COL19A1: variants seen among roughly 807,000 people sequenced by gnomAD.
The protein encoded by COL19A1 is collagen alpha-1(XIX) chain.
In COL19A1, 159 loss-of-function variants were observed where a neutral mutation model predicts 190.2. The observed-to-expected ratio is 0.84, with a 90% CI of 0.73 to 0.95. COL19A1 has a LOEUF of 0.95. Among genes scored for constraint, COL19A1 ranks in the 40% least tolerant of loss-of-function variants. COL19A1 has a pLI of 0.00. For missense variants in COL19A1, 1,418 were observed against 1,431.9 expected, an observed-to-expected ratio of 0.99 and a Z score of 0.16; for synonymous variants, 509 against 458.9, an observed-to-expected ratio of 1.11 and a Z score of -1.39.
intron 4 of COL19A1, among the ~76,000 whole-genome samples, chr6:69,903,008 A>G (rs564305852): frequency 9.1e-4 from 139 of 152,278 alleles, no homozygotes; most frequent in African/African-American, 3.2e-3. Context: ...ATCTGGCCAC[A>G]TGGCCTGGCC....
At chr6:70,162,276 A>G (rs531526176) in intron 35 of COL19A1, among the ~76,000 whole-genome samples, 84 of 151,602 alleles carry the variant, frequency 5.5e-4, no homozygotes, top group Non-Finnish European at 1.1e-3. Flanking sequence ...TTTAGAAGAG[A>G]TAGTCAAATG....
intron 11 of COL19A1, among the ~76,000 whole-genome samples, chr6:69,982,637 T>G (rs1479994838): frequency 6.6e-6 from 1 of 151,928 alleles, no homozygotes; most frequent in East Asian, 1.9e-4. Flanking sequence ...TAAGATTATC[T>G]TGGGTATCCT....
chr6:69,893,575 C>T (rs1429234768), intron 2 of COL19A1, among the ~76,000 whole-genome samples: 1 of 152,176 alleles, frequency 6.6e-6, no homozygotes, highest in Non-Finnish European at 1.5e-5. Context: ...TTGTGACTTA[C>T]TTTCCAATCT....
intron 15 of COL19A1, among the ~76,000 whole-genome samples, chr6:70,080,329 G>A (rs1413620997): frequency 6.6e-6 from 1 of 152,180 alleles, no homozygotes; most frequent in Non-Finnish European, 1.5e-5. Context: ...CAAACTAAAC[G>A]ATGGTGAAAG....
At chr6:70,154,809 T>C (rs549028017) in intron 31 of COL19A1, among the ~76,000 whole-genome samples, 29 of 152,256 alleles carry the variant, frequency 1.9e-4, no homozygotes, top group African/African-American at 6.7e-4. Context: ...TGGAGTCTTA[T>C]GTTTGAGGGC....
intron 12 of COL19A1, among the ~76,000 whole-genome samples, chr6:70,025,541 T>A (rs2150108062): frequency 6.6e-6 from 1 of 152,346 alleles, no homozygotes; most frequent in African/African-American, 2.4e-5. Context: ...AGGATGCTTG[T>A]CCTTCCTCCT....
intron 14 of COL19A1, among the ~76,000 whole-genome samples, chr6:70,064,376 C>T (rs576680753): frequency 9.9e-5 from 15 of 152,152 alleles, no homozygotes; most frequent in African/African-American, 1.7e-4. Context: ...ATTATCTCAA[C>T]AGATGCAGAA....
chr6:69,906,821 G>T (rs376141893), intron 4 of COL19A1, among the ~76,000 whole-genome samples: 16 of 152,152 alleles, frequency 1.1e-4, no homozygotes, highest in Non-Finnish European at 2.1e-4. Flanking sequence ...ATAAGAGGTA[G>T]CTGGTAGGAG....
Position 70,208,422 on chromosome 6 carries a change from TATGCA to T in COL19A1, c.*1150_*1154del, listed in dbSNP as rs1330503523. ...AACAAAGGAAAACCACAGGACTGGA[TATGCA>T]ACTAGTGCTCAGACCAAAGAGTTCA... On this transcript the variant is annotated 3_prime_UTR_variant, in exon 51 of 51. Coordinates refer to ENST00000620364, the MANE Select transcript of COL19A1 (RefSeq NM_001858.6). 4.6e-5 allele frequency: 7 copies of T among 152,270 alleles called. No homozygotes were observed. Among genetic ancestry groups the T allele is most frequent in the African/African-American group, 1.7e-4 (7 of 41,468 alleles). The allele number at this position is 152,270 out of a possible 1,614,324, so 9.4% of individuals were successfully genotyped here.
At chr6:69,889,931 T>C (rs1769228450) in intron 2 of COL19A1, 1 of 152,220 alleles carries the variant, frequency 6.6e-6, no homozygotes, top group Non-Finnish European at 1.5e-5. Context: ...ATCTCGCTGC[T>C]GCTCACTCTT....
At chr6:70,025,561 G>A (rs1013013697) in intron 12 of COL19A1, among the ~76,000 whole-genome samples, 1 of 152,198 alleles carries the variant, frequency 6.6e-6, no homozygotes, top group Non-Finnish European at 1.5e-5. Flanking sequence ...TCAGGACAAA[G>A]GGGAGATGTG....
At chr6:69,995,563 A>C (rs749447949) in intron 11 of COL19A1, among the ~76,000 whole-genome samples, 2 of 151,834 alleles carry the variant, frequency 1.3e-5, no homozygotes, top group Non-Finnish European at 2.9e-5. Flanking sequence ...TGGGTAAGTT[A>C]GCAAATCAAA....
At chr6:69,931,327 A>G (rs1772746785) in intron 6 of COL19A1, among the ~76,000 whole-genome samples, 1 of 152,164 alleles carries the variant, frequency 6.6e-6, no homozygotes, top group African/African-American at 2.4e-5. Flanking sequence ...TATATCAGTG[A>G]AGCATTCTAA....
chr6:70,006,328 T>G lies in COL19A1; in HGVS notation c.1027-17299T>G, dbSNP rs78046202. Among the ~76,000 whole-genome samples, 929 of 152,272 alleles carry G rather than the reference T, an allele frequency of 6.1e-3. 26 individuals are homozygous for G. In the East Asian group the frequency reaches 0.086, roughly 14 times the overall value. On this transcript the variant is annotated intron_variant, in intron 11 of 50. Coordinates refer to ENST00000620364, the MANE Select transcript of COL19A1 (RefSeq NM_001858.6). ...TTTTCCCATCCATGGGTTGCACAGT[T>G]CTGTGGGAAAAGCATGGTTTCCCTG...
Position 69,895,278 on chromosome 6 carries a change from G to A in COL19A1, c.92-3670G>A, listed in dbSNP as rs79437707. ...CCCAAGGAGCGACAGAGGGTGGTGG[G>A]GTGGTTTCCCATAAGCTCAGAAGTC... On this transcript the variant is annotated intron_variant, in intron 2 of 50. Coordinates refer to ENST00000620364, the MANE Select transcript of COL19A1 (RefSeq NM_001858.6). Among the ~76,000 whole-genome samples the A allele has an allele frequency of 5.8e-3, 880 of 152,292 alleles. 25 individuals carry two copies. The East Asian group carries it at 0.074, about 13-fold the overall frequency.
At chr6:70,096,287 T>G in intron 15 of COL19A1, among the ~76,000 whole-genome samples, 1 of 150,934 alleles carries the variant, frequency 6.6e-6, no homozygotes, top group Middle Eastern at 3.4e-3. Context: ...AGAAACGGGG[T>G]TTTGCCATGG....
intron 44 of COL19A1, 117 bp downstream of exon 44, chr6:70,180,640 G>T (rs1437384639): frequency 9.5e-7 from 1 of 1,047,612 alleles, no homozygotes; most frequent in Non-Finnish European, 1.4e-6. Flanking sequence ...GGAGTAAGAA[G>T]AATGCACAGA....
At chr6:69,976,492 G>C (rs1385100461) in intron 11 of COL19A1, among the ~76,000 whole-genome samples, 1 of 152,182 alleles carries the variant, frequency 6.6e-6, no homozygotes, top group African/African-American at 2.4e-5. Flanking sequence ...CTTTCAGAGA[G>C]TAGATATGAA....
chr6:70,185,077 C>T (rs555394077), intron 46 of COL19A1, among the ~76,000 whole-genome samples, 162 bp downstream of exon 46: 6 of 152,166 alleles, frequency 3.9e-5, no homozygotes, highest in Non-Finnish European at 7.3e-5. Context: ...AATATGACAA[C>T]GGACTCAGAG....
Sources: gnomAD v4.1 joint callset for allele counts (sites outside exome capture counted in the v4.1 genomes callset) on GRCh38, gnomAD v4.1.1 for gene constraint, MANE v1.5 for transcripts, NCBI Gene and HGNC (gene_info 2026-07-23, HGNC 2026-07-21) for gene names.